MACROD2: variants seen among roughly 807,000 people sequenced by gnomAD.
MACROD2 encodes the protein ADP-ribose glycohydrolase MACROD2.
In MACROD2, 36 loss-of-function variants were observed where a neutral mutation model predicts 70.4. That is an observed-to-expected ratio of 0.51 (90% CI 0.39 to 0.68). The LOEUF (loss-of-function observed/expected upper bound fraction) is 0.68. Ranked by LOEUF, MACROD2 falls within the 30% of genes least tolerant of loss-of-function variation. MACROD2 has a pLI of 0.00. For synonymous variants in MACROD2, 172 were observed against 178.8 expected (o/e 0.96, Z 0.30); for missense variants, 496 against 538.4 (o/e 0.92, Z 0.78).
intron 2 of MACROD2, among the ~76,000 whole-genome samples, chr20:14,074,751 A>G (rs952782203): frequency 2.0e-5 from 3 of 152,178 alleles, no homozygotes; most frequent in African/African-American, 7.2e-5. Context: ...TGCTGACTAC[A>G]GTAGTCTCCC....
At chr20:14,347,177 A>G (rs945173893) in intron 3 of MACROD2, among the ~76,000 whole-genome samples, 11 of 152,194 alleles carry the variant, frequency 7.2e-5, no homozygotes, top group African/African-American at 2.2e-4. Flanking sequence ...TAGCAACAGC[A>G]TGTTAATTTG....
chr20:14,425,300 T>C (rs2083920775), intron 3 of MACROD2, among the ~76,000 whole-genome samples: 1 of 152,176 alleles, frequency 6.6e-6, no homozygotes, highest in Admixed American at 6.5e-5. Flanking sequence ...CTTCTTTCTC[T>C]CCTCTCTCCG....
At chr20:14,966,737 A>G (rs2074640664) in intron 5 of MACROD2, among the ~76,000 whole-genome samples, 1 of 152,184 alleles carries the variant, frequency 6.6e-6, no homozygotes. Flanking sequence ...CTTGCTCAAC[A>G]AGACATTTTG....
intron 5 of MACROD2, among the ~76,000 whole-genome samples, chr20:15,086,735 TCTAA>T (rs950037167): frequency 9.2e-4 from 140 of 152,252 alleles, no homozygotes; most frequent in African/African-American, 3.2e-3. Context: ...AAGTTTTCCT[TCTAA>T]CTGTGACACA....
At chr20:14,542,033 G>A (rs1257294057) in intron 4 of MACROD2, among the ~76,000 whole-genome samples, 2 of 152,134 alleles carry the variant, frequency 1.3e-5, no homozygotes, top group African/African-American at 4.8e-5. Flanking sequence ...TAACATTTGA[G>A]AAATTCAGTA....
intron 10 of MACROD2, among the ~76,000 whole-genome samples, chr20:15,918,008 G>A (rs1379249862): frequency 2.0e-5 from 3 of 151,636 alleles, no homozygotes; most frequent in African/African-American, 4.8e-5. Context: ...CATGAAAACT[G>A]TGCAGAGACT....
intron 4 of MACROD2, among the ~76,000 whole-genome samples, chr20:14,563,616 T>C (rs1388354325): frequency 1.3e-5 from 2 of 152,010 alleles, no homozygotes; most frequent in African/African-American, 4.8e-5. Context: ...CCATTTATGC[T>C]TGACTCAGTT....
intron 6 of MACROD2, among the ~76,000 whole-genome samples, chr20:15,359,928 C>A (rs1196493541): frequency 6.6e-6 from 1 of 152,100 alleles, no homozygotes. Context: ...ATTCCTGTAA[C>A]CACTACTAAA....
At chr20:15,385,203 C>A (rs1019184954) in intron 6 of MACROD2, among the ~76,000 whole-genome samples, 1 of 152,254 alleles carries the variant, frequency 6.6e-6, no homozygotes, top group African/African-American at 2.4e-5. Flanking sequence ...TTCATGCAAG[C>A]ACCCTGAAGA....
chr20:15,328,454 C>T (rs755924915), intron 6 of MACROD2, among the ~76,000 whole-genome samples: 4 of 152,066 alleles, frequency 2.6e-5, no homozygotes, highest in Non-Finnish European at 5.9e-5. Flanking sequence ...ATCCTTCTGG[C>T]AGTTAAATGA....
chr20:15,109,970 G>A (rs1015368016), intron 5 of MACROD2, among the ~76,000 whole-genome samples: 7 of 151,962 alleles, frequency 4.6e-5, no homozygotes, highest in African/African-American at 1.4e-4. Flanking sequence ...GTTCTCGGAG[G>A]GCAGAAATAA....
At position 15,383,944 on chromosome 20, in the gene MACROD2, A is replaced by AT. The variant is rs562960966; in HGVS notation, c.541-47452dup. Among the ~76,000 whole-genome samples, 101 of 151,402 alleles carry AT rather than the reference A, an allele frequency of 6.7e-4. 1 individual carries two copies. Among genetic ancestry groups the AT allele is most frequent in the African/African-American group, 1.7e-3 (69 of 41,266 alleles). On this transcript the variant is annotated intron_variant, in intron 6 of 17. Transcript: ENST00000684519. ...AATTAACTCAGGGAGCAATTCAGCTATTTTTTTTTCTAGGAAATGGGAAAT... is the reference window on the plus strand; with the variant it reads ...AATTAACTCAGGGAGCAATTCAGCTATTTTTTTTTTCTAGGAAATGGGAAAT...
rs181956112 is a variant in MACROD2 at position 15,263,860 on chromosome 20, A to G, written c.540+33799A>G. 3.2e-3 allele frequency among the ~76,000 whole-genome samples: 494 copies of G among 152,148 alleles called. 1 individual carries two copies. Among genetic ancestry groups the G allele is most frequent in the Non-Finnish European group, 5.3e-3 (362 of 67,966 alleles). On this transcript the variant is annotated intron_variant, in intron 6 of 17. Transcript: ENST00000684519. ...TTCACTGTTGGTGTCTAGAAATGCT[A>G]CTGATTTTGTGTGTTGATTTTGTAT...
chr20:14,858,919 A>G (rs1600731181), intron 5 of MACROD2, among the ~76,000 whole-genome samples: 1 of 152,184 alleles, frequency 6.6e-6, no homozygotes, highest in East Asian at 1.9e-4. Context: ...GAAAAGAGGC[A>G]GAACATGAAG....
intron 5 of MACROD2, among the ~76,000 whole-genome samples, chr20:15,009,825 A>G (rs1817363334): frequency 8.7e-6 from 1 of 114,752 alleles, no homozygotes. Context: ...TTAGTTATGG[A>G]TTGTTTTCTG....
chr20:15,560,440 C>A (rs1388243174), intron 8 of MACROD2, among the ~76,000 whole-genome samples: 4 of 151,966 alleles, frequency 2.6e-5, no homozygotes, highest in Non-Finnish European at 5.9e-5. Context: ...GGGGATTTTG[C>A]CATTGAAAAA....
intron 3 of MACROD2, among the ~76,000 whole-genome samples, chr20:14,349,284 G>T: frequency 6.8e-6 from 1 of 148,078 alleles, no homozygotes; most frequent in African/African-American, 2.5e-5. Context: ...GTACATACTA[G>T]GTATATATAT....
chr20:15,259,247 T>A (rs2077227212), intron 6 of MACROD2, among the ~76,000 whole-genome samples: 1 of 152,008 alleles, frequency 6.6e-6, no homozygotes, highest in Admixed American at 6.6e-5. Flanking sequence ...AACAGTGGGA[T>A]TCCAGGCTTC....
At position 15,746,356 on chromosome 20, in the gene MACROD2, T is replaced by C. The variant is rs1334867436; in HGVS notation, c.646-116389T>C. 3.3e-5 allele frequency among the ~76,000 whole-genome samples: 5 copies of C among 152,128 alleles called. No homozygotes were observed. In the East Asian group the frequency reaches 7.7e-4, roughly 23 times the overall value. ...TGATTTTGTACAAGTTTTGTATGCATAGCCTTGGTAAACTTTCTTATCAAT... is the reference window on the plus strand; with the variant it reads ...TGATTTTGTACAAGTTTTGTATGCACAGCCTTGGTAAACTTTCTTATCAAT... On this transcript the variant is annotated intron_variant, in intron 8 of 17. Transcript: ENST00000684519.
Sources: allele counts gnomAD v4.1 joint callset (sites outside exome capture counted in the v4.1 genomes callset), GRCh38; gene constraint gnomAD v4.1.1; transcripts MANE v1.5; gene names NCBI Gene and HGNC (gene_info 2026-07-23, HGNC 2026-07-21).